Variants in REPS2 observed in about 807,000 individuals in gnomAD.
REPS2 encodes the protein ralBP1-associated Eps domain-containing protein 2.
REPS2 carries 23 observed loss-of-function variants against 53.6 expected under a neutral mutation model. That is an observed-to-expected ratio of 0.43 (90% confidence interval 0.31 to 0.61). The LOEUF is 0.61. REPS2 is among the 20% of genes least tolerant of loss of function. The pLI, the probability that REPS2 is intolerant of heterozygous loss-of-function variation, is 0.11. For missense variants in REPS2, 446 were observed against 534.9 expected (o/e 0.83, Z 1.64); for synonymous variants, 238 against 218.6 (o/e 1.09, Z -0.78).
chrX:16,964,570 C>T (rs2080463671), intron 1 of REPS2, among the ~76,000 whole-genome samples: 3 of 110,099 alleles, frequency 2.7e-5, no homozygotes, highest in Non-Finnish European at 5.7e-5. Context: ...GGGTGGTGGC[C>T]GGGCAGAGGG....
intron 14 of REPS2, among the ~76,000 whole-genome samples, chrX:17,105,047 G>A: frequency 9.2e-6 from 1 of 108,586 alleles, no homozygotes; most frequent in Middle Eastern, 4.7e-3. Context: ...TTTTTTAACA[G>A]ATAAGGAAGT....
At chrX:17,135,792 G>A in intron 16 of REPS2, 1 of 146,016 alleles carries the variant, frequency 6.8e-6, no homozygotes, top group Non-Finnish European at 1.3e-5. Flanking sequence ...AGGGCAAATG[G>A]CTAGCTCCTT....
chrX:16,968,264 A>G (rs1483859235), intron 1 of REPS2, among the ~76,000 whole-genome samples: 1 of 111,856 alleles, frequency 8.9e-6, no homozygotes, highest in Admixed American at 9.3e-5. Flanking sequence ...CACGGCAACC[A>G]TCCGATTTCT....
At chrX:17,024,688 A>G (rs1185422530) in intron 3 of REPS2, among the ~76,000 whole-genome samples, 2 of 111,781 alleles carry the variant, frequency 1.8e-5, no homozygotes, top group Non-Finnish European at 3.8e-5. Context: ...AATCCAGGAA[A>G]TAAATTTATT....
chrX:17,017,265 C>A (rs2061510450), intron 2 of REPS2, among the ~76,000 whole-genome samples: 1 of 112,168 alleles, frequency 8.9e-6, no homozygotes, highest in South Asian at 3.7e-4. Flanking sequence ...AGCTACTGCT[C>A]CTGGCTCAAT....
intron 14 of REPS2, among the ~76,000 whole-genome samples, 186 bp downstream of exon 14, chrX:17,103,965 A>G (rs1453326362): frequency 1.8e-5 from 2 of 111,282 alleles, no homozygotes; most frequent in Non-Finnish European, 3.8e-5. Context: ...CTCATGTGGA[A>G]GAGAGAAAGT....
rs111723476 is a variant in REPS2, at chrX:17,099,782, C to CTTGTCATCTGTT, written c.1517-3928_1517-3927insTGTTTTGTCATC. ...AGGCTGGTACTCAGGAGAGTTAATT[C>CTTGTCATCTGTT]TTGTCATCATCCTCTTTGGGGTAGG... On this transcript the variant is annotated intron_variant, in intron 13 of 17. Coordinates refer to ENST00000357277, the MANE Select transcript of REPS2 (RefSeq NM_004726.3). 4,794 of 559,873 alleles carry CTTGTCATCTGTT rather than the reference C, an allele frequency of 8.6e-3. 151 individuals are homozygous for CTTGTCATCTGTT. The African/African-American group carries it at 0.087, about 10-fold the overall frequency. The allele number at this position is 559,873 out of a possible 1,213,427, so 46.1% of individuals were successfully genotyped here. A position where few individuals can be genotyped will look rare whatever the true frequency, so the allele number is the denominator to read the frequency against.
At chrX:17,051,373 C>T (rs1447202561) in intron 6 of REPS2, among the ~76,000 whole-genome samples, 2 of 111,760 alleles carry the variant, frequency 1.8e-5, no homozygotes, top group Admixed American at 9.5e-5. Context: ...TAGGTATATA[C>T]CCAGTAGTGG....
rs185797946 is a variant in REPS2, at chrX:17,130,550, C to T, written c.1579-3274C>T. Among the ~76,000 whole-genome samples the T allele has an allele frequency of 4.3e-3, 477 of 111,966 alleles. 2 individuals are homozygous for T. Among genetic ancestry groups the T allele is most frequent in the African/African-American group, 0.015 (463 of 30,743 alleles). Reference sequence around the variant, plus strand: ...GGTGCTTCTGTATTCCCCATACTTGCCCTCCACAGTCCACTGAAGCAAGTT... The same window carrying T: ...GGTGCTTCTGTATTCCCCATACTTGTCCTCCACAGTCCACTGAAGCAAGTT... On this transcript the variant is annotated intron_variant, in intron 14 of 17. Transcript: ENST00000357277.
At chrX:17,005,116 T>G (rs1301136414) in intron 1 of REPS2, among the ~76,000 whole-genome samples, 1 of 111,711 alleles carries the variant, frequency 9.0e-6, no homozygotes, top group Non-Finnish European at 1.9e-5. Context: ...AGATGTGTAA[T>G]GTATATATTC....
At chrX:16,969,068 C>G (rs751833735) in intron 1 of REPS2, among the ~76,000 whole-genome samples, 2 of 108,727 alleles carry the variant, frequency 1.8e-5, no homozygotes, top group Admixed American at 9.7e-5. Context: ...TGGGCAGAGA[C>G]GCTCCTCACA....
the REPS2 span, among the ~76,000 whole-genome samples, chrX:17,167,309 A>G: frequency 8.9e-6 from 1 of 111,829 alleles, no homozygotes; most frequent in African/African-American, 3.3e-5. Context: ...ATCTTCTATA[A>G]AGCATGCATA....
At chrX:16,954,147 G>A (rs2060561091) in intron 1 of REPS2, among the ~76,000 whole-genome samples, 1 of 110,742 alleles carries the variant, frequency 9.0e-6, no homozygotes, top group Non-Finnish European at 1.9e-5. Context: ...TTGTTGTGGA[G>A]ATGGTGTCTC....
chrX:17,102,076 A>G (rs2062814691), intron 13 of REPS2, among the ~76,000 whole-genome samples: 1 of 54,460 alleles, frequency 1.8e-5, no homozygotes, highest in Non-Finnish European at 3.5e-5. Context: ...ATGTTATGTT[A>G]TGTTATTTTA....
intron 14 of REPS2, among the ~76,000 whole-genome samples, chrX:17,122,830 C>A (rs1170497135): frequency 8.9e-6 from 1 of 111,770 alleles, no homozygotes; most frequent in African/African-American, 3.3e-5. Flanking sequence ...TATGTCAACC[C>A]AAAAGGGGAC....
chrX:17,024,135 A>G (rs935997374), intron 3 of REPS2, among the ~76,000 whole-genome samples: 5 of 107,667 alleles, frequency 4.6e-5, no homozygotes, highest in African/African-American at 1.7e-4. Context: ...AAAAAAAAAA[A>G]AAAAATTAGC....
chrX:16,988,351 TAC>T (rs763159316), intron 1 of REPS2, among the ~76,000 whole-genome samples: 16 of 112,019 alleles, frequency 1.4e-4, no homozygotes, highest in South Asian at 3.7e-4. Context: ...CTGAGAAATC[TAC>T]AGTCTACAGA....
the REPS2 span, among the ~76,000 whole-genome samples, chrX:17,164,272 CTCCAA>C: frequency 2.7e-5 from 3 of 111,376 alleles, no homozygotes; most frequent in African/African-American, 9.8e-5. Context: ...GGGTTAAACA[CTCCAA>C]TCAAAAGGCA....
chrX:17,089,043 AGAAT>A (rs1395633111), intron 13 of REPS2, among the ~76,000 whole-genome samples: 3 of 111,765 alleles, frequency 2.7e-5, no homozygotes, highest in Non-Finnish European at 5.6e-5. Context: ...GATGTATTAA[AGAAT>A]GAATATGGTA....
Sources: gnomAD v4.1 joint callset for allele counts (sites outside exome capture counted in the v4.1 genomes callset) on GRCh38, gnomAD v4.1.1 for gene constraint, MANE v1.5 for transcripts, NCBI Gene and HGNC (gene_info 2026-07-23, HGNC 2026-07-21) for gene names.